Variants in LYPLA1 observed in about 807,000 individuals in gnomAD.
LYPLA1 encodes the protein lysophospholipase 1.
In LYPLA1, 17 loss-of-function variants were observed where a neutral mutation model predicts 34.0. The ratio of observed to expected loss-of-function variants is 0.50; its 90% CI spans 0.34 to 0.75. LYPLA1 has a LOEUF of 0.75. Ranked by LOEUF, LYPLA1 falls within the 30% of genes least tolerant of loss-of-function variation. The pLI is 0.01. For missense variants in LYPLA1, 203 were observed against 288.8 expected (o/e 0.70, Z 2.15); for synonymous variants, 98 against 100.8 (o/e 0.97, Z 0.17).
At chr8:54,073,184 AT>A (rs758983600) in intron 2 of LYPLA1, 14 of 761,786 alleles carry the variant, frequency 1.8e-5, no homozygotes, top group African/African-American at 3.4e-5. Flanking sequence ...CCTGCAATTC[AT>A]CCTCGGTCTT....
downstream of LYPLA1, among the ~76,000 whole-genome samples, chr8:54,044,134 C>T (rs1199494598): frequency 1.3e-5 from 2 of 151,918 alleles, no homozygotes; most frequent in African/African-American, 4.8e-5. Context: ...TTCAACTGAT[C>T]CACTCGCCTC....
intron 2 of LYPLA1, among the ~76,000 whole-genome samples, chr8:54,096,911 CA>C (rs1809730003): frequency 6.6e-6 from 1 of 150,952 alleles, no homozygotes; most frequent in South Asian, 2.1e-4. Flanking sequence ...GATTCTGTCT[CA>C]AAAAATAAAC....
intron 5 of LYPLA1, among the ~76,000 whole-genome samples, chr8:54,056,464 G>A (rs1806212630): frequency 6.6e-6 from 1 of 152,128 alleles, no homozygotes; most frequent in African/African-American, 2.4e-5. Flanking sequence ...AAGTTAAAAA[G>A]CTTCTGCACA....
chr8:54,046,955 A>T lies in LYPLA1; in HGVS notation c.*1110T>A, dbSNP rs1196381360. On this transcript the variant is annotated 3_prime_UTR_variant, in exon 9 of 9. Coordinates refer to ENST00000316963, the MANE Select transcript of LYPLA1 (RefSeq NM_006330.4). ...TTTCAAATAAGTCCACTGGCAGATG[A>T]AAATAAAGCAAAAAATTACAATAGA... is the stretch of plus-strand genomic sequence containing the variant. 6.6e-6 allele frequency: 1 copy of T among 152,196 alleles called. No individual in the cohort carries two copies. Among genetic ancestry groups the T allele is most frequent in the Admixed American group, 6.5e-5 (1 of 15,278 alleles). The allele number at this position is 152,196 out of a possible 1,614,324, so 9.4% of individuals were successfully genotyped here. A position where few individuals can be genotyped will look rare whatever the true frequency, so the allele number is the denominator to read the frequency against.
chr8:54,070,258 T>C (rs1245468339), intron 2 of LYPLA1, among the ~76,000 whole-genome samples: 1 of 152,136 alleles, frequency 6.6e-6, no homozygotes, highest in East Asian at 1.9e-4. Flanking sequence ...GAAGTTGCGG[T>C]GAGCCGAGAT....
intron 2 of LYPLA1, among the ~76,000 whole-genome samples, chr8:54,081,724 GT>G (rs1433935289): frequency 0.058 from 7,984 of 138,474 alleles, 652 homozygotes; most frequent in African/African-American, 0.19. Context: ...CTTTCTTTTC[GT>G]TTTTTTTTTT....
chr8:54,060,905 G>C (rs1806574230), intron 5 of LYPLA1, among the ~76,000 whole-genome samples: 1 of 151,804 alleles, frequency 6.6e-6, no homozygotes, highest in South Asian at 2.1e-4. Flanking sequence ...ATGTTGGCCA[G>C]GCTGGTCTCA....
chr8:54,095,906 A>G (rs1809646877), intron 2 of LYPLA1, among the ~76,000 whole-genome samples: 1 of 152,230 alleles, frequency 6.6e-6, no homozygotes. Flanking sequence ...CATGAAAGAC[A>G]AGGACTGTTT....
chr8:54,101,218 T>A, intron 1 of LYPLA1: 1 of 630,294 alleles, frequency 1.6e-6, no homozygotes, highest in Non-Finnish European at 2.3e-6. Flanking sequence ...AAAAACAGTT[T>A]ATCTCTTTCA....
At chr8:54,091,615 AG>A in intron 2 of LYPLA1, among the ~76,000 whole-genome samples, 1 of 139,816 alleles carries the variant, frequency 7.2e-6, no homozygotes, top group Non-Finnish European at 1.5e-5. Flanking sequence ...GAAGGAAGGA[AG>A]GAAGGAAGGA....
chr8:54,096,230 T>C (rs899032709), intron 2 of LYPLA1, among the ~76,000 whole-genome samples: 6 of 152,236 alleles, frequency 3.9e-5, no homozygotes, highest in African/African-American at 1.4e-4. Context: ...GCAACTTTTA[T>C]GTAAATTTCA....
intron 7 of LYPLA1, among the ~76,000 whole-genome samples, chr8:54,051,921 G>A (rs1407889852): frequency 1.3e-5 from 2 of 151,186 alleles, no homozygotes; most frequent in Admixed American, 1.3e-4. Context: ...CACAATCGTG[G>A]CTCACTGCAA....
At chr8:54,073,622 T>C (rs991157474) in intron 2 of LYPLA1, 1 of 507,714 alleles carries the variant, frequency 2.0e-6, no homozygotes, top group Non-Finnish European at 3.6e-6. Context: ...GCAAATTTCA[T>C]GACCAGTAAA....
At chr8:54,050,683 T>G (rs1159893401) in intron 8 of LYPLA1, among the ~76,000 whole-genome samples, 1 of 152,228 alleles carries the variant, frequency 6.6e-6, no homozygotes, top group East Asian at 1.9e-4. Context: ...CAAGGGCACT[T>G]TTTAAAGCTT....
Position 54,047,483 on chromosome 8 carries a change from C to T in LYPLA1, c.*582G>A, listed in dbSNP as rs951591643. 2.0e-5 allele frequency: 3 copies of T among 151,852 alleles called. No homozygotes were observed. The highest frequency in any genetic ancestry group is 4.4e-5 in the Non-Finnish European group (3 of 67,904). The allele number at this position is 151,852 out of a possible 1,614,324, so 9.4% of individuals were successfully genotyped here. On this transcript the variant is annotated 3_prime_UTR_variant, in exon 9 of 9. Coordinates refer to ENST00000316963, the MANE Select transcript of LYPLA1 (RefSeq NM_006330.4). ...AAAGCCTGGTCCCAAAATAAAAGGG[C>T]CATTAATTGAAGAGAACGATTTTAC...
chr8:54,044,499 G>A (rs980040730), downstream of LYPLA1, among the ~76,000 whole-genome samples: 3 of 152,116 alleles, frequency 2.0e-5, no homozygotes, highest in African/African-American at 7.2e-5. Flanking sequence ...TGGTGAAAAA[G>A]TTTTGAGGGA....
chr8:54,070,513 C>G (rs1339726430), intron 2 of LYPLA1, among the ~76,000 whole-genome samples: 1 of 152,128 alleles, frequency 6.6e-6, no homozygotes, highest in Non-Finnish European at 1.5e-5. Context: ...CACCTGAGGT[C>G]AGGGGTTCGA....
chr8:54,044,459 A>C (rs1805433522), downstream of LYPLA1, among the ~76,000 whole-genome samples: 1 of 152,110 alleles, frequency 6.6e-6, no homozygotes, highest in Admixed American at 6.6e-5. Flanking sequence ...ATATACCTTG[A>C]AAATCAAAAT....
At chr8:54,066,714 G>C (rs758636273) in intron 2 of LYPLA1, among the ~76,000 whole-genome samples, 11 of 151,282 alleles carry the variant, frequency 7.3e-5, no homozygotes, top group Non-Finnish European at 1.3e-4. Flanking sequence ...CCAGGAGGTG[G>C]AGGCTGCAGT....
Sources: gnomAD v4.1 joint callset for allele counts (sites outside exome capture counted in the v4.1 genomes callset) on GRCh38, gnomAD v4.1.1 for gene constraint, MANE v1.5 for transcripts, NCBI Gene and HGNC (gene_info 2026-07-23, HGNC 2026-07-21) for gene names.